The following ABCC5 variants were observed in gnomAD, a reference collection of about 807,000 sequenced individuals.
ABCC5 encodes ATP-binding cassette sub-family C member 5.
ABCC5 carries 61 observed loss-of-function variants against 160.9 expected under a neutral mutation model. The ratio of observed to expected loss-of-function variants is 0.38; its 90% CI spans 0.31 to 0.47. The LOEUF (loss-of-function observed/expected upper bound fraction) is 0.47, where lower values mean the gene tolerates loss of function less well. Ranked by LOEUF, ABCC5 falls within the 20% of genes least tolerant of loss-of-function variation. The pLI, the probability that ABCC5 is intolerant of heterozygous loss-of-function variation, is 0.99. For missense variants in ABCC5, 1,308 were observed against 1,813.3 expected, an observed-to-expected ratio of 0.72 and a Z score of 5.06; for synonymous variants, 666 against 700.6, an observed-to-expected ratio of 0.95 and a Z score of 0.78.
intron 5 of ABCC5, chr3:183,983,693 C>T: frequency 1.0e-6 from 1 of 979,526 alleles, no homozygotes; most frequent in Non-Finnish European, 1.2e-6. Context: ...TGAGGTCCTG[C>T]AACGCCGGAG....
chr3:183,927,270 G>C (rs1434208546), intron 28 of ABCC5, 60 bp downstream of exon 28: 29 of 1,546,286 alleles, frequency 1.9e-5, no homozygotes, highest in Middle Eastern at 1.9e-4. Context: ...CAGTGTGTCA[G>C]GGCAAGGCTG....
At chr3:183,926,697 C>T (rs1327484024) in intron 28 of ABCC5, among the ~76,000 whole-genome samples, 1 of 152,110 alleles carries the variant, frequency 6.6e-6, no homozygotes, top group Non-Finnish European at 1.5e-5. Context: ...ACATTCTTTT[C>T]CTGTTTATAA....
intron 17 of ABCC5, among the ~76,000 whole-genome samples, chr3:183,957,971 GATCC>G (rs1716345987): frequency 9.8e-6 from 1 of 102,070 alleles, no homozygotes; most frequent in African/African-American, 3.4e-5. Context: ...GTTACATGCG[GATCC>G]GTGTGTACAT....
chr3:183,984,090 G>A, intron 5 of ABCC5: 22 of 985,384 alleles, frequency 2.2e-5, no homozygotes, highest in Non-Finnish European at 2.7e-5. Flanking sequence ...GCTAAGGAAA[G>A]AGAATTAAAA....
In ABCC5 at chr3:183,987,548, C is replaced by T; in HGVS notation, c.591+222G>A. On this transcript the variant is annotated intron_variant, in intron 5 of 29. Transcript: ENST00000334444. This position sits in a 1 kb window ranked among gnomAD's most constrained non-coding sequence, Gnocchi z 4.2. ...ACTGGAGTCAGTTCCATTTCACCCC[C>T]ACCCAGAAATCAAGCCAGTTCCATT... 3.1e-6 allele frequency: 2 copies of T among 643,556 alleles called. No individual in the cohort carries two copies. Among genetic ancestry groups the T allele is most frequent in the Non-Finnish European group, 5.5e-6 (2 of 362,940 alleles). 39.9% of individuals were successfully genotyped at this position (643,556 alleles called of 1,614,324 possible).
At chr3:183,993,565 A>G (rs917763409) in intron 2 of ABCC5, among the ~76,000 whole-genome samples, 2 of 150,950 alleles carry the variant, frequency 1.3e-5, no homozygotes, top group African/African-American at 2.4e-5. Context: ...TGAGCCTTTT[A>G]TCTCATGGAA....
intron 16 of ABCC5, among the ~76,000 whole-genome samples, chr3:183,961,079 G>A (rs1010230418): frequency 2.0e-5 from 3 of 152,178 alleles, no homozygotes; most frequent in Non-Finnish European, 2.9e-5. Flanking sequence ...AAGAGCCGCA[G>A]CACCTGACCT....
At chr3:183,959,989 C>T (rs1041379424) in intron 16 of ABCC5, among the ~76,000 whole-genome samples, 154 bp from the exon 17 acceptor site, 1 of 152,196 alleles carries the variant, frequency 6.6e-6, no homozygotes, top group African/African-American at 2.4e-5. Context: ...ATTTCTTGTA[C>T]TTCCTCATCT....
At chr3:184,004,967 T>A (rs2108907241) in intron 2 of ABCC5, among the ~76,000 whole-genome samples, 1 of 152,378 alleles carries the variant, frequency 6.6e-6, no homozygotes, top group East Asian at 1.9e-4. Context: ...AAACATATCC[T>A]GAACCCTCAG....
At chr3:183,958,671 A>C (rs1336255324) in intron 17 of ABCC5, among the ~76,000 whole-genome samples, 1 of 150,798 alleles carries the variant, frequency 6.6e-6, no homozygotes, top group Non-Finnish European at 1.5e-5. Flanking sequence ...TTTTTTTGTC[A>C]GGATCTCACT....
intron 2 of ABCC5, chr3:184,001,076 A>G (rs6443927): frequency 0.6 from 241,518 of 402,740 alleles, 74,355 homozygotes; most frequent in East Asian, 0.86. Context: ...AACCCTCCAA[A>G]ACCCCATCAC....
chr3:183,965,104 T>C (rs1195871140), intron 14 of ABCC5, 81 bp downstream of exon 14: 1 of 1,438,558 alleles, frequency 7.0e-7, no homozygotes, highest in South Asian at 1.2e-5. Context: ...CTCCCAAGCA[T>C]TTCAGTTGCA....
intron 17 of ABCC5, among the ~76,000 whole-genome samples, chr3:183,957,368 G>A (rs1468903553): frequency 3.9e-5 from 5 of 127,876 alleles, no homozygotes; most frequent in South Asian, 2.5e-4. Context: ...ATGCGGGTCC[G>A]TGTGTATATC....
rs1378001247 is a variant in ABCC5 at position 183,921,138 on chromosome 3, T to C, written c.*162A>G. ...TGGAATAAATACAATAATCAAAATA[T>C]GACTCTCCCTAAAAGTGAAACACAC... On this transcript the variant is annotated 3_prime_UTR_variant, in exon 30 of 30. Coordinates refer to ENST00000334444, the MANE Select transcript of ABCC5 (RefSeq NM_005688.4). The surrounding 1 kb of genome is among the most constrained non-coding windows in gnomAD (Gnocchi z 4.1). The C allele has an allele frequency of 2.0e-6, 1 of 499,450 alleles. No homozygotes were observed. Among genetic ancestry groups the C allele is most frequent in the African/African-American group, 2.0e-5 (1 of 50,526 alleles). 30.9% of individuals were successfully genotyped at this position (499,450 alleles called of 1,614,324 possible). A position where few individuals can be genotyped will look rare whatever the true frequency, so the allele number is the denominator to read the frequency against.
intron 8 of ABCC5, 144 bp downstream of exon 8, chr3:183,981,583 C>T (rs1718746931): frequency 3.2e-6 from 3 of 940,768 alleles, no homozygotes; most frequent in Admixed American, 5.8e-5. Flanking sequence ...CTTTTGAACA[C>T]AAAGATTCTA....
chr3:184,000,339 T>C (rs1378741997), intron 2 of ABCC5, among the ~76,000 whole-genome samples: 2 of 151,986 alleles, frequency 1.3e-5, no homozygotes, highest in Admixed American at 6.6e-5. Context: ...TGAGACCCTG[T>C]CTCTAAATAA....
intron 15 of ABCC5, 84 bp from the exon 16 acceptor site, chr3:183,961,738 C>A: frequency 1.3e-6 from 2 of 1,529,024 alleles, no homozygotes; most frequent in Admixed American, 1.9e-5. Flanking sequence ...TAGTTCTCTA[C>A]AGGAGACGAG....
chr3:183,941,052 G>T (rs1714291218), intron 25 of ABCC5, among the ~76,000 whole-genome samples: 1 of 152,108 alleles, frequency 6.6e-6, no homozygotes, highest in Non-Finnish European at 1.5e-5. Context: ...TAGAGATGAG[G>T]TTTCACCATG....
At position 183,982,414 on chromosome 3, in the gene ABCC5, G is replaced by A. The variant is rs762745898; in HGVS notation, c.999+37C>T. ...CAATGGAAGTAACTCATCTCCTAAG[G>A]AGAAGCTGCCAGGATTCAGCTGGGA... On this transcript the variant is annotated intron_variant, in intron 7 of 29. Coordinates refer to ENST00000334444, the MANE Select transcript of ABCC5 (RefSeq NM_005688.4). This position sits in a 1 kb window ranked among gnomAD's most constrained non-coding sequence, Gnocchi z 5.2. 9.4e-6 allele frequency: 15 copies of A among 1,601,838 alleles called. No homozygotes were observed. The highest frequency in any genetic ancestry group is 1.7e-5 in the Admixed American group (1 of 58,980).
Sources: gnomAD v4.1 joint callset for allele counts (sites outside exome capture counted in the v4.1 genomes callset) on GRCh38, gnomAD v4.1.1 for gene constraint, Gnocchi (gnomAD v3.1) non-coding constraint, MANE v1.5 for transcripts, NCBI Gene and HGNC (gene_info 2026-07-23, HGNC 2026-07-21) for gene names.